The following CST3 variants were observed in gnomAD, a reference collection of about 807,000 sequenced individuals.
CST3 encodes the protein cystatin-C.
A neutral mutation model predicts 9.0 loss-of-function variants in CST3; 14 were observed. That is an observed-to-expected ratio of 1.56 (90% CI 1.03 to 2.44). CST3 has a LOEUF of 2.44. CST3 is among the 30% of genes most tolerant of loss of function. The pLI is 0.00. For missense variants in CST3, 237 were observed against 204.3 expected (o/e 1.16, Z -0.98); for synonymous variants, 96 against 90.2 (o/e 1.06, Z -0.37).
downstream of CST3, among the ~76,000 whole-genome samples, chr20:23,630,933 C>G (rs954234212): frequency 3.9e-5 from 6 of 152,068 alleles, no homozygotes; most frequent in Admixed American, 2.6e-4. Flanking sequence ...AAAATTTATT[C>G]TACTGAATAC....
downstream of CST3, among the ~76,000 whole-genome samples, chr20:23,630,910 A>G (rs1412206975): frequency 6.6e-6 from 1 of 152,230 alleles, no homozygotes; most frequent in African/African-American, 2.4e-5. Flanking sequence ...CACAGAAAAT[A>G]TGAAAGATGC....
rs11542355 is a variant in CST3, at chr20:23,635,325, G to C, written c.286C>G (p.Arg96Gly). Residue 96 changes from arginine to glycine, a missense_variant, in exon 2 of 3, where the codon CGA (arginine) becomes GGA (glycine). Arg to Gly is a moderately radical substitution (Grantham distance 125). Coordinates refer to ENST00000376925, the MANE Select transcript of CST3 (RefSeq NM_000099.4). ...GGCTGGGTCTTGGTACACGTGGTTC[G>C]GCCCAGCTCCACGTCCAAGAAGTAG... ...VNYFLDVELG[R>G]TTCTKTQPNL... 1.9e-6 allele frequency: 3 copies of C among 1,613,674 alleles called. No homozygotes were observed. Among genetic ancestry groups the C allele is most frequent in the South Asian group, 1.1e-5 (1 of 91,080 alleles).
At chr20:23,637,570 G>C in intron 1 of CST3, 50 bp downstream of exon 1, 1 of 1,437,078 alleles carries the variant, frequency 7.0e-7, no homozygotes, top group African/African-American at 1.5e-5. Context: ...GCGGGGGGAG[G>C]CTGGGACGGC....
chr20:23,627,080 G>A (rs1979281431), exon 4 of CST3: 2 of 152,138 alleles, frequency 1.3e-5, no homozygotes, highest in African/African-American at 4.8e-5. Flanking sequence ...ACAATTCAGT[G>A]GTTCCGAGTA....
chr20:23,637,562 G>C, intron 1 of CST3, 58 bp downstream of exon 1: 1 of 1,402,986 alleles, frequency 7.1e-7, no homozygotes. Context: ...GGAGCAGCGC[G>C]GGGGGAGGCT....
chr20:23,637,707 T>G lies in CST3; in HGVS notation c.156A>C (p.Ala52=). 3 of 1,544,964 alleles carry G rather than the reference T, an allele frequency of 1.9e-6. No homozygotes were observed. Among genetic ancestry groups the G allele is most frequent in the Non-Finnish European group, 2.6e-6 (3 of 1,146,082 alleles). ...ASVEEEGVRR[A]LDFAVGEYNK... ...TGTACTCGCCGACGGCAAAGTCCAG[T>G]GCACGCCGCACACCCTCCTCCTCCA... Residue 52 remains alanine, a synonymous_variant, in exon 1 of 3, where the codon GCA becomes GCC. Transcript: ENST00000376925.
chr20:23,632,686 G>A (rs1357565964), downstream of CST3, among the ~76,000 whole-genome samples: 1 of 152,162 alleles, frequency 6.6e-6, no homozygotes, highest in Non-Finnish European at 1.5e-5. Flanking sequence ...CCAAAAGAGG[G>A]GGTCAGTGCA....
At chr20:23,635,032 A>T (rs1002616787) in intron 2 of CST3, among the ~76,000 whole-genome samples, 1 of 151,958 alleles carries the variant, frequency 6.6e-6, no homozygotes, top group African/African-American at 2.4e-5. Context: ...ATCCATGCAT[A>T]AACCCCCACA....
At chr20:23,629,697 G>A (rs527939837), downstream of CST3, among the ~76,000 whole-genome samples, 1 of 150,946 alleles carries the variant, frequency 6.6e-6, no homozygotes, top group Non-Finnish European at 1.5e-5. Flanking sequence ...ATGCCACGGC[G>A]AAGAGCAGGC....
chr20:23,629,627 C>T (rs1305657804), downstream of CST3, among the ~76,000 whole-genome samples: 1 of 151,554 alleles, frequency 6.6e-6, no homozygotes, highest in African/African-American at 2.4e-5. Context: ...TTCTACCCCA[C>T]AAAGGAGCCT....
chr20:23,635,195 CA>C, intron 2 of CST3, 58 bp downstream of exon 2: 1 of 1,403,610 alleles, frequency 7.1e-7, no homozygotes, highest in South Asian at 1.2e-5. Flanking sequence ...CACACACACA[CA>C]CACACACACA....
chr20:23,636,004 G>A (rs1285961592), intron 1 of CST3, among the ~76,000 whole-genome samples: 2 of 152,232 alleles, frequency 1.3e-5, no homozygotes, highest in East Asian at 3.9e-4. Context: ...CTGGGACCAG[G>A]GTGCTAGACC....
intron 2 of CST3, among the ~76,000 whole-genome samples, chr20:23,634,263 G>A (rs569766868): frequency 9.0e-4 from 137 of 152,268 alleles, no homozygotes; most frequent in African/African-American, 3.2e-3. Context: ...GCACAGCCCT[G>A]TGAGGAGCAG....
At chr20:23,627,846 T>C (rs555437456) in exon 4 of CST3, 24 of 152,374 alleles carry the variant, frequency 1.6e-4, no homozygotes, top group African/African-American at 5.8e-4. Flanking sequence ...TCAAATCCTT[T>C]GGAACTTTTA....
intron 1 of CST3, among the ~76,000 whole-genome samples, chr20:23,636,554 G>C (rs1979683526): frequency 6.8e-6 from 1 of 146,660 alleles, no homozygotes; most frequent in Non-Finnish European, 1.5e-5. Flanking sequence ...GTGCCCAGGG[G>C]TGTGACTTGG....
chr20:23,635,062 C>T lies in CST3; in HGVS notation c.357+192G>A, dbSNP rs145116574. Among the ~76,000 whole-genome samples, 423 of 152,210 alleles carry T rather than the reference C, an allele frequency of 2.8e-3. 7 individuals are homozygous for T. Among genetic ancestry groups the T allele is most frequent in the African/African-American group, 1.0e-2 (414 of 41,530 alleles). On this transcript the variant is annotated intron_variant, in intron 2 of 2. Coordinates refer to ENST00000376925, the MANE Select transcript of CST3 (RefSeq NM_000099.4). ...CCCACACTTCCCCAACACATCCACA[C>T]ACCCACTTGCACACACTCACGTGCA... is the stretch of plus-strand genomic sequence containing the variant.
intron 1 of CST3, 94 bp downstream of exon 1, chr20:23,637,526 G>T: frequency 8.1e-7 from 1 of 1,231,168 alleles, no homozygotes; most frequent in Non-Finnish European, 1.1e-6. Flanking sequence ...AAGCCCAGGC[G>T]CCGGAGAGGA....
At chr20:23,630,491 T>C (rs1979412001), downstream of CST3, among the ~76,000 whole-genome samples, 1 of 152,222 alleles carries the variant, frequency 6.6e-6, no homozygotes, top group South Asian at 2.1e-4. Context: ...CTCAGTGTTG[T>C]GTCTTTGAGC....
chr20:23,637,878 G>A lies in CST3; in HGVS notation c.-16C>T. ...GCCCGGCCATGGTCGGCTAGGACGC[G>A]GGACGCGGGGAGTGGGGCGCAGGCG... On this transcript the variant is annotated 5_prime_UTR_variant, in exon 1 of 3. Transcript: ENST00000376925. The A allele has an allele frequency of 1.4e-6, 2 of 1,386,898 alleles. No homozygotes were observed. The highest frequency in any genetic ancestry group is 1.9e-6 in the Non-Finnish European group (2 of 1,080,098). The allele number at this position is 1,386,898 out of a possible 1,614,324, so 85.9% of individuals were successfully genotyped here. A position where few individuals can be genotyped will look rare whatever the true frequency, so the allele number is the denominator to read the frequency against.
Sources: gnomAD v4.1 joint callset for allele counts (sites outside exome capture counted in the v4.1 genomes callset) on GRCh38, gnomAD v4.1.1 for gene constraint, MANE v1.5 for transcripts, NCBI Gene and HGNC (gene_info 2026-07-23, HGNC 2026-07-21) for gene names.